The following KCNC3 variants were observed in gnomAD, a reference collection of about 807,000 sequenced individuals.
KCNC3 encodes potassium voltage-gated channel subfamily C member 3.
In KCNC3, 22 loss-of-function variants were observed where a neutral mutation model predicts 43.9. The ratio of observed to expected loss-of-function variants is 0.50; its 90% CI spans 0.36 to 0.72. KCNC3 has a LOEUF of 0.72. Among genes scored for constraint, KCNC3 ranks in the 30% least tolerant of loss-of-function variants. The pLI is 0.00. For missense variants in KCNC3, 829 were observed against 1,073.8 expected, an observed-to-expected ratio of 0.77 and a Z score of 3.19; for synonymous variants, 492 against 488.0, an observed-to-expected ratio of 1.01 and a Z score of -0.11.
upstream of KCNC3, among the ~76,000 whole-genome samples, chr19:50,331,136 A>C (rs1162545188): frequency 5.9e-5 from 8 of 135,306 alleles, no homozygotes; most frequent in Middle Eastern, 3.9e-3. Context: ...CTCTGTTCCC[A>C]CCCCTCTGAG....
At chr19:50,318,759 G>C (rs1786847244) in intron 4 of KCNC3, among the ~76,000 whole-genome samples, 1 of 152,136 alleles carries the variant, frequency 6.6e-6, no homozygotes, top group Admixed American at 6.5e-5. Context: ...TCCCAAATTT[G>C]TAGTGCCTGC....
At chr19:50,321,719 A>C (rs1337165009) in intron 2 of KCNC3, among the ~76,000 whole-genome samples, 1 of 152,056 alleles carries the variant, frequency 6.6e-6, no homozygotes, top group Non-Finnish European at 1.5e-5. Flanking sequence ...GCAGTGAGCC[A>C]AGATGTTTCC....
chr19:50,317,078 G>A (rs1368057315), intron 4 of KCNC3, among the ~76,000 whole-genome samples: 1 of 149,982 alleles, frequency 6.7e-6, no homozygotes, highest in South Asian at 2.1e-4. Context: ...TCCCATAGGG[G>A]CCCCTCTAGA....
At chr19:50,316,561 C>A (rs2036957208) in intron 4 of KCNC3, among the ~76,000 whole-genome samples, 1 of 152,156 alleles carries the variant, frequency 6.6e-6, no homozygotes, top group South Asian at 2.1e-4. Context: ...GCCAACAAAA[C>A]CCCATCTCTA....
chr19:50,331,865 G>C (rs1200271884), upstream of KCNC3, among the ~76,000 whole-genome samples: 6 of 151,874 alleles, frequency 4.0e-5, no homozygotes, highest in Non-Finnish European at 8.8e-5. Context: ...CTGGGTCTCC[G>C]TTCCTTTTTC....
intron 4 of KCNC3, among the ~76,000 whole-genome samples, chr19:50,317,447 G>A (rs1436916161): frequency 6.6e-6 from 1 of 152,114 alleles, no homozygotes; most frequent in Non-Finnish European, 1.5e-5. Flanking sequence ...GGATCCTTTA[G>A]GATGTGTCTC....
chr19:50,326,989 G>GT (rs1310146603), intron 1 of KCNC3, among the ~76,000 whole-genome samples: 20 of 151,880 alleles, frequency 1.3e-4, no homozygotes, highest in Non-Finnish European at 2.5e-4. Context: ...AGAAAGAATT[G>GT]TAAGTTATTT....
chr19:50,317,319 T>C (rs115387571), intron 4 of KCNC3, among the ~76,000 whole-genome samples: 177 of 152,136 alleles, frequency 1.2e-3, no homozygotes, highest in African/African-American at 4.1e-3. Context: ...CTCTGTGGCC[T>C]GGGGTGGTGG....
At position 50,328,673 on chromosome 19, in the gene KCNC3, A is replaced by C; in HGVS notation, c.410T>G (p.Phe137Cys). 6.2e-7 allele frequency: 1 copy of C among 1,610,570 alleles called. No homozygotes were observed. The highest frequency in any genetic ancestry group is 8.5e-7 in the Non-Finnish European group (1 of 1,179,012). ...DYDPGADEFF[F>C]DRHPGVFAYV... ...CGCGAAGACTCCCGGGTGCCGGTCA[A>C]AGAAGAACTCGTCGGCGCCCGGGTC... The change falls in exon 1 of 5, where the codon TTT becomes TGT. Residue 137 changes from phenylalanine to cysteine, a missense_variant. Physicochemically the swap from Phe to Cys is radical, Grantham distance 205 (BLOSUM62 -2). Around this residue, in one of 7 missense-constraint regions of KCNC3, gnomAD observed 121 missense variants for 247.4 expected, o/e 0.49. Coordinates refer to ENST00000477616, the MANE Select transcript of KCNC3 (RefSeq NM_004977.3).
chr19:50,320,827 G>A (rs1201058310), intron 2 of KCNC3, 43 bp from the exon 3 acceptor site: 1 of 1,595,056 alleles, frequency 6.3e-7, no homozygotes, highest in East Asian at 2.2e-5. Flanking sequence ...AGGAGAGAGT[G>A]AGGTGCGGTG....
In KCNC3 at chr19:50,324,654, C is replaced by G. The variant is rs1362365223; in HGVS notation, c.871-572G>C. Among the ~76,000 whole-genome samples, 2 of 152,134 alleles carry G rather than the reference C, an allele frequency of 1.3e-5. No homozygotes were observed. The highest frequency in any genetic ancestry group is 3.9e-4 in the East Asian group (2 of 5,192). ...GGCAAGGAGACTGAGCTTTCTGAACCAGAAGTTTGTAGTGGGATTGTTGTG... is the reference window on the plus strand; with the variant it reads ...GGCAAGGAGACTGAGCTTTCTGAACGAGAAGTTTGTAGTGGGATTGTTGTG... On this transcript the variant is annotated intron_variant, in intron 1 of 4. Transcript: ENST00000477616. This position sits in a 1 kb window ranked among gnomAD's most constrained non-coding sequence, Gnocchi z 4.1.
rs1442104511 is a variant in KCNC3, at chr19:50,323,937, T to C, written c.1016A>G (p.Asn339Ser). Reference sequence around the variant, plus strand: ...GAAGGGCTCCGTCTCCACCTCCACGTTGGTGATGTTCTCCGGAGGTGCCCC... The same window carrying C: ...GAAGGGCTCCGTCTCCACCTCCACGCTGGTGATGTTCTCCGGAGGTGCCCC... ...IPGAPPENIT[N>S]VEVETEPFLT... is the part of the protein sequence containing the mutation. The change falls in exon 2 of 5, where the codon AAC (asparagine) becomes AGC (serine). Residue 339 changes from asparagine to serine, a missense_variant. Asn to Ser is a conservative substitution (Grantham distance 46). Transcript: ENST00000477616. 1.9e-6 allele frequency: 3 copies of C among 1,614,038 alleles called. No homozygotes were observed. Among genetic ancestry groups the C allele is most frequent in the Non-Finnish European group, 2.5e-6 (3 of 1,180,032 alleles).
intron 4 of KCNC3, among the ~76,000 whole-genome samples, chr19:50,318,021 A>T (rs1339339290): frequency 6.6e-6 from 1 of 151,896 alleles, no homozygotes; most frequent in Non-Finnish European, 1.5e-5. Context: ...TCAAATTTCT[A>T]GGCTCAAATG....
Position 50,315,957 on chromosome 19 carries a change from G to A in KCNC3, c.*158C>T. 1 of 372,530 alleles carries A rather than the reference G, an allele frequency of 2.7e-6. No homozygotes were observed. The allele number at this position is 372,530 out of a possible 1,614,324, so 23.1% of individuals were successfully genotyped here. ...CTGGACAAAAGGTGTCTTGATCGTA[G>A]GAGGGAGGGCTTGGGGGGAGATTTG... On this transcript the variant is annotated 3_prime_UTR_variant, in exon 5 of 5. Transcript: ENST00000477616.
Position 50,320,741 on chromosome 19 carries a change from G to A in KCNC3, c.2022C>T (p.His674=), listed in dbSNP as rs2037022205. ...NGDPAAAALA[H]EDCPAIDQPA... The stretch of plus-strand genomic sequence containing the variant: ...GCTGGTCAATGGCTGGGCAGTCCTC[G>A]TGGGCAAGCGCAGCTGCTGCCGGAT... The change falls in exon 3 of 5, where the codon CAC becomes CAT. Residue 674 remains histidine (H), a synonymous_variant. Coordinates refer to ENST00000477616, the MANE Select transcript of KCNC3 (RefSeq NM_004977.3). 6 of 1,613,948 alleles carry A rather than the reference G, an allele frequency of 3.7e-6. No individual in the cohort carries two copies. The highest frequency in any genetic ancestry group is 2.7e-5 in the African/African-American group (2 of 74,972).
intron 2 of KCNC3, among the ~76,000 whole-genome samples, chr19:50,321,862 G>A (rs954845900): frequency 1.3e-5 from 2 of 151,742 alleles, no homozygotes; most frequent in African/African-American, 4.8e-5. Flanking sequence ...TGGTTGGCTG[G>A]AGCAAACTTC....
Position 50,316,059 on chromosome 19 carries a change from A to C in KCNC3, c.*56T>G. 2.6e-6 allele frequency: 1 copy of C among 380,902 alleles called. No individual in the cohort carries two copies. The highest frequency in any genetic ancestry group is 4.9e-6 in the Non-Finnish European group (1 of 204,896). 23.6% of individuals were successfully genotyped at this position (380,902 alleles called of 1,614,324 possible). On this transcript the variant is annotated 3_prime_UTR_variant, in exon 5 of 5. Coordinates refer to ENST00000477616, the MANE Select transcript of KCNC3 (RefSeq NM_004977.3). ...TGGGGGGAAGGGGCGGGGGGGACCG[A>C]AAGTCTCGCGAGGTCTCAGGCGGTG... is the stretch of plus-strand genomic sequence containing the variant.
Position 50,312,178 on chromosome 19 carries a change from C to G in KCNC3, c.*3937G>C, listed in dbSNP as rs1476747734. 1 of 152,138 alleles carries G rather than the reference C, an allele frequency of 6.6e-6. No homozygotes were observed. Among genetic ancestry groups the G allele is most frequent in the Non-Finnish European group, 1.5e-5 (1 of 68,020 alleles). 9.4% of individuals were successfully genotyped at this position (152,138 alleles called of 1,614,324 possible). On this transcript the variant is annotated 3_prime_UTR_variant, in exon 5 of 5. Coordinates refer to ENST00000477616, the MANE Select transcript of KCNC3 (RefSeq NM_004977.3). Reference sequence around the variant, plus strand: ...GCACCAGAGTTGGACGATTTGCAGACCTCCCCTCCCCACACTGTCTCCGAA... The same window carrying G: ...GCACCAGAGTTGGACGATTTGCAGAGCTCCCCTCCCCACACTGTCTCCGAA...
At position 50,328,916 on chromosome 19, in the gene KCNC3, G is replaced by C; in HGVS notation, c.167C>G (p.Pro56Arg). The C allele has an allele frequency of 1.1e-6, 1 of 872,816 alleles. No individual in the cohort carries two copies. The highest frequency in any genetic ancestry group is 1.4e-6 in the Non-Finnish European group (1 of 728,916). 54.1% of individuals were successfully genotyped at this position (872,816 alleles called of 1,614,324 possible). A position where few individuals can be genotyped will look rare whatever the true frequency, so the allele number is the denominator to read the frequency against. Residue 56 changes from proline (P) to arginine (R), a missense_variant, in exon 1 of 5, where the codon CCG becomes CGG. Around this residue, in one of 7 missense-constraint regions of KCNC3, gnomAD observed 129 missense variants for 83.6 expected, o/e 1.54. Coordinates refer to ENST00000477616, the MANE Select transcript of KCNC3 (RefSeq NM_004977.3). ...CCGGTCCCCGGGCCCGCGGGGTGCC[G>C]GGGGGCCCGCCGGGGACGCGGCGGG... ...PGPAASPAGP[P>R]APRGPGDRRA...
Sources: allele counts gnomAD v4.1 joint callset (sites outside exome capture counted in the v4.1 genomes callset), GRCh38; gene constraint gnomAD v4.1.1; regional missense constraint gnomAD v4.1.1; non-coding constraint Gnocchi (gnomAD v3.1); transcripts MANE v1.5; gene names NCBI Gene and HGNC (gene_info 2026-07-23, HGNC 2026-07-21).